Variants in SGPP2 observed in about 807,000 individuals in gnomAD.
The protein encoded by SGPP2 is sphingosine-1-phosphate phosphatase 2, also known as sphingosine 1-phosphate phosphohydrolase 2.
A neutral mutation model predicts 33.9 loss-of-function variants in SGPP2; 30 were observed. That is an observed-to-expected ratio of 0.89 (90% CI 0.66 to 1.20). The LOEUF (loss-of-function observed/expected upper bound fraction) is 1.20. SGPP2 is among the 50% of genes most tolerant of loss of function. SGPP2 has a pLI of 0.00. For synonymous variants in SGPP2, 233 were observed against 225.0 expected, an observed-to-expected ratio of 1.04 and a Z score of -0.32; for missense variants, 458 against 532.1, an observed-to-expected ratio of 0.86 and a Z score of 1.37.
At chr2:222,534,739 G>A (rs1698888678) in intron 4 of SGPP2, among the ~76,000 whole-genome samples, 1 of 152,146 alleles carries the variant, frequency 6.6e-6, no homozygotes, top group Non-Finnish European at 1.5e-5. Flanking sequence ...ATTTAGTTAT[G>A]TTTCTGAGCA....
intron 1 of SGPP2, among the ~76,000 whole-genome samples, chr2:222,438,933 G>T (rs1335457267): frequency 6.6e-6 from 1 of 152,198 alleles, no homozygotes; most frequent in Non-Finnish European, 1.5e-5. Context: ...GGAGCCAATG[G>T]GGGGGTTCTG....
intron 2 of SGPP2, among the ~76,000 whole-genome samples, chr2:222,512,641 C>T (rs1008774123): frequency 2.6e-5 from 4 of 152,206 alleles, no homozygotes; most frequent in African/African-American, 9.7e-5. Flanking sequence ...TCACCCCTCC[C>T]TCTCCTCAGT....
At chr2:222,427,060 A>G (rs1697081909) in intron 1 of SGPP2, among the ~76,000 whole-genome samples, 1 of 152,036 alleles carries the variant, frequency 6.6e-6, no homozygotes, top group Admixed American at 6.6e-5. Flanking sequence ...GCATTTCTTC[A>G]TTACAGCATT....
Position 222,503,367 on chromosome 2 carries a change from AT to A in SGPP2, c.379-18399del, listed in dbSNP as rs1011037699. On this transcript the variant is annotated intron_variant, in intron 2 of 4. Coordinates refer to ENST00000321276, the MANE Select transcript of SGPP2 (RefSeq NM_152386.4). ...AAGGCTAAAATAAAGGGAAGAGAGC[AT>A]GGTGAATTCTTGTTTTAAAGTGTTA... Among the ~76,000 whole-genome samples, 128 of 152,354 alleles carry A rather than the reference AT, an allele frequency of 8.4e-4. 2 individuals carry two copies. The highest frequency in any genetic ancestry group is 2.9e-3 in the African/African-American group (119 of 41,582).
At chr2:222,466,351 T>C (rs186741208) in intron 1 of SGPP2, among the ~76,000 whole-genome samples, 2,460 of 148,314 alleles carry the variant, frequency 0.017, 70 homozygotes, top group African/African-American at 0.058. Flanking sequence ...CTCCACCTCC[T>C]GGGTTCAAGC....
chr2:222,496,985 A>G (rs1698290795), intron 2 of SGPP2, among the ~76,000 whole-genome samples: 1 of 152,240 alleles, frequency 6.6e-6, no homozygotes, highest in East Asian at 1.9e-4. Flanking sequence ...ATTGCAGTTC[A>G]GGATGATAAA....
chr2:222,526,254 T>G (rs370814184), intron 4 of SGPP2, among the ~76,000 whole-genome samples: 74 of 152,344 alleles, frequency 4.9e-4, no homozygotes, highest in African/African-American at 9.6e-4. Context: ...TTTGACCCTG[T>G]ATTTGCATGC....
At chr2:222,489,171 A>G (rs1200800446) in intron 2 of SGPP2, among the ~76,000 whole-genome samples, 4 of 152,216 alleles carry the variant, frequency 2.6e-5, no homozygotes, top group East Asian at 1.9e-4. Context: ...TACAAATTCT[A>G]CAAGTAATTG....
intron 4 of SGPP2, among the ~76,000 whole-genome samples, chr2:222,528,938 A>G (rs1698799435): frequency 6.6e-6 from 1 of 152,102 alleles, no homozygotes; most frequent in Admixed American, 6.5e-5. Flanking sequence ...ACAACAATGA[A>G]GTTTGCCGCA....
At chr2:222,498,448 C>T (rs947677418) in intron 2 of SGPP2, 3 of 152,006 alleles carry the variant, frequency 2.0e-5, no homozygotes, top group Non-Finnish European at 2.9e-5. Flanking sequence ...CATGGTCTCC[C>T]GGCCCAAAGA....
intron 2 of SGPP2, among the ~76,000 whole-genome samples, chr2:222,508,381 C>T (rs1698477187): frequency 6.6e-6 from 1 of 152,182 alleles, no homozygotes; most frequent in South Asian, 2.1e-4. Context: ...AGTCCAGCTT[C>T]TCTACACTGG....
intron 1 of SGPP2, among the ~76,000 whole-genome samples, chr2:222,462,917 C>T (rs774864048): frequency 1.3e-5 from 2 of 152,084 alleles, no homozygotes; most frequent in Non-Finnish European, 2.9e-5. Context: ...ACCATTGTTC[C>T]CACCCAGCAT....
chr2:222,497,231 A>T (rs1366033443), intron 2 of SGPP2, among the ~76,000 whole-genome samples: 2 of 147,546 alleles, frequency 1.4e-5, no homozygotes, highest in African/African-American at 4.9e-5. Context: ...TTTTGAAAAG[A>T]GTGTCAGATC....
At chr2:222,556,440 C>T (rs1481497067) in intron 4 of SGPP2, among the ~76,000 whole-genome samples, 27 of 145,570 alleles carry the variant, frequency 1.9e-4, no homozygotes, top group African/African-American at 6.8e-4. Context: ...CTCCCCCCAA[C>T]CCCGGCTCCG....
intron 1 of SGPP2, among the ~76,000 whole-genome samples, chr2:222,435,472 C>A (rs994877242): frequency 1.3e-5 from 2 of 152,118 alleles, no homozygotes; most frequent in African/African-American, 2.4e-5. Context: ...TCAGTATTAA[C>A]CATCACAAGT....
intron 1 of SGPP2, among the ~76,000 whole-genome samples, chr2:222,467,949 T>TAAAAAAAAAAAAAAAAAA (rs1388078752): frequency 9.7e-5 from 1 of 10,348 alleles, no homozygotes; most frequent in Non-Finnish European, 3.0e-4. Context: ...AGCTCTAATC[T>TAAAAAAAAAAAAAAAAAA]GAAAAAAAAA....
At chr2:222,474,933 A>G (rs1262251268) in intron 2 of SGPP2, among the ~76,000 whole-genome samples, 2 of 152,112 alleles carry the variant, frequency 1.3e-5, no homozygotes, top group East Asian at 3.9e-4. Flanking sequence ...GTAGAAAGGT[A>G]AGCTGGGGGA....
chr2:222,519,069 C>T (rs937489543), intron 2 of SGPP2, among the ~76,000 whole-genome samples: 1 of 152,204 alleles, frequency 6.6e-6, no homozygotes, highest in Non-Finnish European at 1.5e-5. Flanking sequence ...AATAGTTCTT[C>T]ATAGCGGGTT....
At chr2:222,424,412 G>T (rs181144435), upstream of SGPP2, 13 of 204,998 alleles carry the variant, frequency 6.3e-5, no homozygotes, top group East Asian at 1.7e-3. Flanking sequence ...GACGCGTTGC[G>T]CAAGGTGGAG....
Sources: allele counts gnomAD v4.1 joint callset (sites outside exome capture counted in the v4.1 genomes callset), GRCh38; gene constraint gnomAD v4.1.1; transcripts MANE v1.5; gene names NCBI Gene and HGNC (gene_info 2026-07-23, HGNC 2026-07-21).